Variants in MPP7 observed in about 807,000 individuals in gnomAD.
MPP7 encodes the protein MAGUK p55 subfamily member 7.
In MPP7, 60 loss-of-function variants were observed where a neutral mutation model predicts 76.5. The ratio of observed to expected loss-of-function variants is 0.78; its 90% CI spans 0.64 to 0.97. The LOEUF is 0.97. Among genes scored for constraint, MPP7 ranks in the 50% least tolerant of loss-of-function variants. MPP7 has a pLI of 0.00. For synonymous variants in MPP7, 237 were observed against 244.5 expected (o/e 0.97, Z 0.29); for missense variants, 641 against 694.0 (o/e 0.92, Z 0.86).
chr10:28,088,845 G>A (rs1477860834), intron 12 of MPP7, among the ~76,000 whole-genome samples: 3 of 152,138 alleles, frequency 2.0e-5, no homozygotes, highest in Admixed American at 6.6e-5. Context: ...CAAGGCAATC[G>A]ATGTTTGTGA....
intron 1 of MPP7, among the ~76,000 whole-genome samples, chr10:28,289,807 C>T (rs1334718974): frequency 2.6e-5 from 4 of 152,156 alleles, no homozygotes; most frequent in East Asian, 3.9e-4. Context: ...CCAAAAAGGC[C>T]GAAACATTGA....
chr10:28,208,930 C>T (rs1346201846), intron 2 of MPP7, among the ~76,000 whole-genome samples: 1 of 150,264 alleles, frequency 6.7e-6, no homozygotes, highest in Non-Finnish European at 1.5e-5. Flanking sequence ...GGGTGGATCC[C>T]TCATGGCTTG....
At chr10:28,059,811 A>T (rs1361021669) in intron 13 of MPP7, 68 bp from the exon 14 acceptor site, 14 of 1,034,846 alleles carry the variant, frequency 1.4e-5, no homozygotes, top group Non-Finnish European at 1.9e-5. Context: ...ACTAAAAAAG[A>T]AATCAAGGGT....
intron 2 of MPP7, among the ~76,000 whole-genome samples, chr10:28,323,814 T>C (rs1005278523): frequency 2.6e-5 from 4 of 152,250 alleles, no homozygotes; most frequent in Admixed American, 2.6e-4. Flanking sequence ...GGATGCCGGG[T>C]GACTGAATAT....
chr10:28,106,273 C>A (rs1300357710), intron 11 of MPP7, among the ~76,000 whole-genome samples: 2 of 152,156 alleles, frequency 1.3e-5, no homozygotes, highest in African/African-American at 2.4e-5. Context: ...TATTACCTCT[C>A]GCTACTAAAA....
chr10:28,147,422 C>G (rs774964141), intron 5 of MPP7, 61 bp downstream of exon 5: 7 of 1,335,364 alleles, frequency 5.2e-6, no homozygotes, highest in Non-Finnish European at 7.6e-6. Context: ...CAAAATTCAT[C>G]TGAAGGCTCA....
intron 11 of MPP7, among the ~76,000 whole-genome samples, chr10:28,105,443 G>T (rs188014855): frequency 6.6e-6 from 1 of 152,272 alleles, no homozygotes; most frequent in African/African-American, 2.4e-5. Flanking sequence ...GAGGAATGGT[G>T]TGGACTGCGA....
intron 1 of MPP7, among the ~76,000 whole-genome samples, chr10:28,256,520 A>T (rs1839791683): frequency 6.6e-6 from 1 of 152,172 alleles, no homozygotes; most frequent in South Asian, 2.1e-4. Flanking sequence ...AGGAAAAAAA[A>T]GTAATGACCT....
chr10:28,265,503 G>A (rs1297418406), intron 1 of MPP7, among the ~76,000 whole-genome samples: 3 of 152,116 alleles, frequency 2.0e-5, no homozygotes, highest in Admixed American at 6.5e-5. Flanking sequence ...AGAATGCAGT[G>A]AGCCAAGATC....
intron 1 of MPP7, among the ~76,000 whole-genome samples, chr10:28,255,610 T>G (rs927854773): frequency 1.4e-4 from 21 of 151,966 alleles, no homozygotes; most frequent in Admixed American, 1.0e-3. Context: ...TTTCAACATG[T>G]TAGCCAGGAT....
intron 16 of MPP7, among the ~76,000 whole-genome samples, chr10:28,055,265 C>T (rs1005166957): frequency 2.0e-5 from 3 of 151,942 alleles, no homozygotes; most frequent in Non-Finnish European, 4.4e-5. Flanking sequence ...GATCAAGAGC[C>T]TGAGTAACTA....
At chr10:28,302,691 G>GCC (rs1385753278) in intron 1 of MPP7, among the ~76,000 whole-genome samples, 170 bp downstream of exon 1, 1 of 151,604 alleles carries the variant, frequency 6.6e-6, no homozygotes, top group African/African-American at 2.4e-5. Flanking sequence ...CTCACAAGGT[G>GCC]CCCGCCGCGG....
intron 2 of MPP7, among the ~76,000 whole-genome samples, chr10:28,235,624 T>C (rs1331022504): frequency 1.3e-5 from 2 of 152,248 alleles, no homozygotes; most frequent in Admixed American, 6.5e-5. Context: ...CACATACAGA[T>C]TACAGTTGGA....
intron 1 of MPP7, among the ~76,000 whole-genome samples, chr10:28,278,218 C>T (rs1167631594): frequency 6.6e-6 from 1 of 152,106 alleles, no homozygotes; most frequent in Non-Finnish European, 1.5e-5. Flanking sequence ...AGCAACAGCA[C>T]TCCTATGTAT....
rs148163384 is a variant in MPP7 at position 28,202,342 on chromosome 10, A to G, written c.38-71T>C. On this transcript the variant is annotated intron_variant, in intron 2 of 16. Coordinates refer to ENST00000683449, the MANE Select transcript of MPP7 (RefSeq NM_001318170.2). ...CATTAATTTCGCCTAAGGTGTGTGTAAATGACAGCTGGAACATGCCAATTT... is the reference window on the plus strand; with the variant it reads ...CATTAATTTCGCCTAAGGTGTGTGTGAATGACAGCTGGAACATGCCAATTT... The G allele has an allele frequency of 2.3e-5, 24 of 1,058,126 alleles. No homozygotes were observed. In the East Asian group the frequency reaches 5.8e-4, roughly 25 times the overall value. The allele number at this position is 1,058,126 out of a possible 1,614,324, so 65.5% of individuals were successfully genotyped here.
intron 3 of MPP7, among the ~76,000 whole-genome samples, chr10:28,184,872 A>AT (rs200570497): frequency 1.4e-5 from 2 of 146,838 alleles, no homozygotes; most frequent in African/African-American, 4.9e-5. Context: ...GATTTTTATG[A>AT]TTTTTTATAA....
intron 2 of MPP7, among the ~76,000 whole-genome samples, chr10:28,212,877 A>G (rs993583919): frequency 2.0e-5 from 3 of 152,194 alleles, no homozygotes; most frequent in Non-Finnish European, 4.4e-5. Context: ...AGACTGAATG[A>G]GGAGCACTAA....
chr10:28,328,710 T>C (rs909970193), intron 2 of MPP7, among the ~76,000 whole-genome samples: 1 of 152,184 alleles, frequency 6.6e-6, no homozygotes, highest in Admixed American at 6.6e-5. Flanking sequence ...TAATACCTTT[T>C]AGTTATATTT....
At chr10:28,109,848 C>CAGAAAAAAAAAAAAA in intron 11 of MPP7, among the ~76,000 whole-genome samples, 1 of 19,220 alleles carries the variant, frequency 5.2e-5, no homozygotes, top group East Asian at 8.7e-4. Flanking sequence ...GCCGCAGACG[C>CAGAAAAAAAAAAAAA]AAAAAAAAAA....
Sources: allele counts gnomAD v4.1 joint callset (sites outside exome capture counted in the v4.1 genomes callset), GRCh38; gene constraint gnomAD v4.1.1; transcripts MANE v1.5; gene names NCBI Gene and HGNC (gene_info 2026-07-23, HGNC 2026-07-21).